KCNK13: variants seen among roughly 807,000 people sequenced by gnomAD.
KCNK13 encodes the protein potassium channel subfamily K member 13.
Under a neutral mutation model 23.4 loss-of-function variants are expected in KCNK13, and 12 were observed. The observed-to-expected ratio is 0.51, with a 90% confidence interval of 0.33 to 0.83. The LOEUF is 0.83. Among genes scored for constraint, KCNK13 ranks in the 40% least tolerant of loss-of-function variants. The pLI, the probability that KCNK13 is intolerant of heterozygous loss-of-function variation, is 0.02. For synonymous variants in KCNK13, 231 were observed against 229.5 expected (o/e 1.01, Z -0.06); for missense variants, 463 against 556.3 (o/e 0.83, Z 1.69).
chr14:90,179,512 G>T (rs1380804753), intron 1 of KCNK13, among the ~76,000 whole-genome samples: 6 of 152,158 alleles, frequency 3.9e-5, no homozygotes, highest in African/African-American at 1.4e-4. Flanking sequence ...GCCTGGGATT[G>T]GTCCCAGAAT....
chr14:90,125,304 A>G (rs1223122469), intron 1 of KCNK13, among the ~76,000 whole-genome samples: 1 of 151,474 alleles, frequency 6.6e-6, no homozygotes, highest in African/African-American at 2.4e-5. Flanking sequence ...GCTCACTGCA[A>G]GCTCTGCCTC....
intron 1 of KCNK13, among the ~76,000 whole-genome samples, chr14:90,082,283 T>G (rs112179904): frequency 0.11 from 16,013 of 151,768 alleles, 1,122 homozygotes; most frequent in South Asian, 0.26. Context: ...CAGGCTGGTC[T>G]TGAACTCCTG....
chr14:90,066,083 C>A (rs1889004924), intron 1 of KCNK13, among the ~76,000 whole-genome samples: 1 of 151,976 alleles, frequency 6.6e-6, no homozygotes, highest in African/African-American at 2.4e-5. Flanking sequence ...CCTGCCTCAG[C>A]TTCCCAAGTA....
At chr14:90,167,780 GCCAATAATCCCAAACCTCATTTTACAA>G (rs1890321050) in intron 1 of KCNK13, among the ~76,000 whole-genome samples, 1 of 152,084 alleles carries the variant, frequency 6.6e-6, no homozygotes, top group East Asian at 1.9e-4. Context: ...CCCACCCCCT[GCCAATAATCCCAAACCTCATTTTACAA>G]AAATAAACTG....
At chr14:90,165,365 C>T (rs61996897) in intron 1 of KCNK13, among the ~76,000 whole-genome samples, 8,406 of 152,236 alleles carry the variant, frequency 0.055, 317 homozygotes, top group South Asian at 0.17. Flanking sequence ...TTTACACCAA[C>T]GGCCACCTCT....
chr14:90,069,171 G>C (rs1398224961), intron 1 of KCNK13, among the ~76,000 whole-genome samples: 1 of 151,430 alleles, frequency 6.6e-6, no homozygotes, highest in African/African-American at 2.4e-5. Flanking sequence ...TGAGTAGCTG[G>C]GATTACAGGT....
intron 1 of KCNK13, among the ~76,000 whole-genome samples, chr14:90,145,171 G>A (rs1596797812): frequency 2.6e-5 from 4 of 152,246 alleles, no homozygotes; most frequent in East Asian, 1.9e-4. Flanking sequence ...ACTTTGGGAC[G>A]CTGAGGCTGA....
At chr14:90,123,587 A>G (rs1483209383) in intron 1 of KCNK13, among the ~76,000 whole-genome samples, 2 of 152,180 alleles carry the variant, frequency 1.3e-5, no homozygotes, top group Admixed American at 6.5e-5. Context: ...AGGCAATAGA[A>G]TGAGAAAAGT....
In KCNK13 at chr14:90,062,180, T is replaced by TG; in HGVS notation, c.-21dup. On this transcript the variant is annotated 5_prime_UTR_variant, in exon 1 of 2. Coordinates refer to ENST00000282146, the MANE Select transcript of KCNK13 (RefSeq NM_022054.4). The surrounding 1 kb of genome is among the most constrained non-coding windows in gnomAD (Gnocchi z 4.5). ...CCGCCGACGCCCGGTGCCGTGGGCC[T>TG]GGGGGCTGCCCCCGGGGGCCCGGCC... 7.4e-7 allele frequency: 1 copy of TG among 1,351,750 alleles called. No homozygotes were observed. Among genetic ancestry groups the TG allele is most frequent in the Non-Finnish European group, 9.5e-7 (1 of 1,050,278 alleles). The allele number at this position is 1,351,750 out of a possible 1,614,324, so 83.7% of individuals were successfully genotyped here.
intron 1 of KCNK13, among the ~76,000 whole-genome samples, chr14:90,066,199 C>T (rs976144098): frequency 1.3e-5 from 2 of 148,264 alleles, no homozygotes; most frequent in African/African-American, 2.5e-5. Flanking sequence ...TGGTCTGAAA[C>T]TCTTGACCTC....
intron 1 of KCNK13, among the ~76,000 whole-genome samples, chr14:90,085,920 T>C (rs1442948290): frequency 1.4e-5 from 2 of 148,098 alleles, no homozygotes; most frequent in East Asian, 3.9e-4. Context: ...TTTCCTTTTC[T>C]TATGCCCTTT....
At position 90,184,591 on chromosome 14, in the gene KCNK13, TCTACTC is replaced by T. The variant is rs1890525737; in HGVS notation, c.818_823del (p.Tyr273_Ser274del). 1 of 1,614,136 alleles carries T rather than the reference TCTACTC, an allele frequency of 6.2e-7. No individual in the cohort carries two copies. Among genetic ancestry groups the T allele is most frequent in the South Asian group, 1.1e-5 (1 of 91,086 alleles). Reference sequence around the variant, plus strand: ...TTCATCCTCATGGGTGTCTGCTGCATCTACTCCTTGTTCAATGTCATCTCTATCCTC... The same window carrying T: ...TTCATCCTCATGGGTGTCTGCTGCATCTTGTTCAATGTCATCTCTATCCTC... On this transcript the variant is annotated inframe_deletion, in exon 2 of 2. Coordinates refer to ENST00000282146, the MANE Select transcript of KCNK13 (RefSeq NM_022054.4). This position sits in a 1 kb window ranked among gnomAD's most constrained non-coding sequence, Gnocchi z 5.6.
intron 1 of KCNK13, among the ~76,000 whole-genome samples, chr14:90,076,221 C>G (rs115626045): frequency 0.011 from 1,701 of 152,272 alleles, 36 homozygotes; most frequent in African/African-American, 0.038. Flanking sequence ...ACTCCAATAC[C>G]AATGGTTTAA....
chr14:90,133,917 A>T (rs1158562329), intron 1 of KCNK13, among the ~76,000 whole-genome samples: 1 of 152,146 alleles, frequency 6.6e-6, no homozygotes, highest in Non-Finnish European at 1.5e-5. Context: ...GTATAACTCC[A>T]TGGGTGCTTC....
chr14:90,074,797 A>T (rs1889116516), intron 1 of KCNK13, among the ~76,000 whole-genome samples: 1 of 152,196 alleles, frequency 6.6e-6, no homozygotes, highest in African/African-American at 2.4e-5. Flanking sequence ...TGTTTATGGG[A>T]ATATAAATTC....
intron 1 of KCNK13, among the ~76,000 whole-genome samples, chr14:90,178,682 A>G (rs1890452298): frequency 1.3e-5 from 2 of 152,206 alleles, no homozygotes; most frequent in South Asian, 4.1e-4. Context: ...AAATAAATAT[A>G]TAAATAAAAA....
chr14:90,081,745 A>G (rs1042436502), intron 1 of KCNK13, among the ~76,000 whole-genome samples: 39 of 152,202 alleles, frequency 2.6e-4, no homozygotes, highest in African/African-American at 9.4e-4. Context: ...TTATGGTTTG[A>G]ATATGGTTTG....
intron 1 of KCNK13, among the ~76,000 whole-genome samples, chr14:90,112,427 T>C (rs1356482938): frequency 6.6e-6 from 1 of 152,188 alleles, no homozygotes; most frequent in Non-Finnish European, 1.5e-5. Context: ...CTAGAGTGTC[T>C]GAGAAGAGCC....
chr14:90,087,133 T>TATATATATACATATATATATAC (rs1889286603), intron 1 of KCNK13, among the ~76,000 whole-genome samples: 3 of 103,286 alleles, frequency 2.9e-5, no homozygotes, highest in African/African-American at 1.0e-4. Context: ...TATATACATA[T>TATATATATACATATATATATAC]ATATATATAT....
Sources: gnomAD v4.1 joint callset for allele counts (sites outside exome capture counted in the v4.1 genomes callset) on GRCh38, gnomAD v4.1.1 for gene constraint, Gnocchi (gnomAD v3.1) non-coding constraint, MANE v1.5 for transcripts, NCBI Gene and HGNC (gene_info 2026-07-23, HGNC 2026-07-21) for gene names.